SLC44A2: variants seen among roughly 807,000 people sequenced by gnomAD.
The protein encoded by SLC44A2 is solute carrier family 44 member 2 (CTL2 blood group), also known as choline transporter-like protein 2.
SLC44A2 carries 57 observed loss-of-function variants against 90.8 expected under a neutral mutation model. That is an observed-to-expected ratio of 0.63 (90% confidence interval 0.51 to 0.78). The LOEUF (loss-of-function observed/expected upper bound fraction) is 0.78. SLC44A2 is among the 30% of genes least tolerant of loss of function. The probability of loss-of-function intolerance (pLI) is 0.00; values close to 1 mark genes in which losing one functional copy is unlikely to be tolerated. For missense variants in SLC44A2, 794 were observed against 919.7 expected (o/e 0.86, Z 1.77); for synonymous variants, 355 against 360.7 (o/e 0.98, Z 0.18).
chr19:10,616,758 A>G (rs2066858178), intron 1 of SLC44A2, among the ~76,000 whole-genome samples: 1 of 151,620 alleles, frequency 6.6e-6, no homozygotes, highest in South Asian at 2.1e-4. Flanking sequence ...AAAAAAAAAA[A>G]TAGAGACTGG....
chr19:10,606,942 C>T (rs1199459544), intron 1 of SLC44A2, among the ~76,000 whole-genome samples: 7 of 138,614 alleles, frequency 5.0e-5, no homozygotes, highest in African/African-American at 8.0e-5. Context: ...GACGGAGTCT[C>T]GCTCTGTCGC....
At chr19:10,612,257 A>G (rs1476716835) in intron 1 of SLC44A2, among the ~76,000 whole-genome samples, 5 of 152,088 alleles carry the variant, frequency 3.3e-5, no homozygotes, top group Non-Finnish European at 5.9e-5. Context: ...CTGTGGTCCC[A>G]TCCACTAGGG....
chr19:10,609,677 C>A (rs1646128652), intron 1 of SLC44A2, among the ~76,000 whole-genome samples: 1 of 152,084 alleles, frequency 6.6e-6, no homozygotes, highest in African/African-American at 2.4e-5. Flanking sequence ...GTTGTCCAGG[C>A]TGGTCTTGAA....
intron 1 of SLC44A2, among the ~76,000 whole-genome samples, chr19:10,604,923 T>A (rs1279408368): frequency 6.6e-6 from 1 of 152,040 alleles, no homozygotes; most frequent in African/African-American, 2.4e-5. Context: ...AATGGGGAAA[T>A]GGCTCTGGGC....
In SLC44A2 at chr19:10,637,805, C is replaced by A. The variant is rs755788238; in HGVS notation, c.1696-51C>A. The A allele has an allele frequency of 1.9e-5, 31 of 1,611,836 alleles. No individual in the cohort carries two copies. The Admixed American group carries it at 2.8e-4, about 15-fold the overall frequency. ...CAGCTCCTGCTGGGTGAGAGGACCA[C>A]CCCCCATGCCCACCCAGTGGGTCTG... On this transcript the variant is annotated intron_variant, in intron 17 of 21. Coordinates refer to ENST00000335757, the MANE Select transcript of SLC44A2 (RefSeq NM_020428.4).
upstream of SLC44A2, among the ~76,000 whole-genome samples, chr19:10,623,011 G>A (rs1047828109): frequency 2.6e-5 from 4 of 152,196 alleles, no homozygotes; most frequent in Non-Finnish European, 5.9e-5. Context: ...GTTTCCAGAG[G>A]GCTTAACTTT....
chr19:10,637,234 C>G (rs1445353804), intron 16 of SLC44A2: 1 of 242,084 alleles, frequency 4.1e-6, no homozygotes, highest in Non-Finnish European at 8.2e-6. Flanking sequence ...CGTCTGCAGT[C>G]CTAGCTACAC....
chr19:10,602,885 G>C (rs897518801), intron 1 of SLC44A2, among the ~76,000 whole-genome samples: 9 of 152,200 alleles, frequency 5.9e-5, no homozygotes, highest in South Asian at 2.1e-4. Flanking sequence ...GCTCGGAAAA[G>C]AGACAGGGCC....
At chr19:10,604,009 G>A (rs556117595) in intron 1 of SLC44A2, among the ~76,000 whole-genome samples, 97 of 152,332 alleles carry the variant, frequency 6.4e-4, no homozygotes, top group African/African-American at 2.3e-3. Flanking sequence ...ACATGAGACA[G>A]GGGACCCTGC....
chr19:10,642,560 C>T, intron 21 of SLC44A2, 109 bp downstream of exon 21: 1 of 1,054,994 alleles, frequency 9.5e-7, no homozygotes, highest in Admixed American at 1.9e-5. Context: ...CCAGCTTCCC[C>T]AGGGCTTGGC....
chr19:10,642,811 G>A, intron 21 of SLC44A2: 1 of 1,449,768 alleles, frequency 6.9e-7, no homozygotes, highest in Non-Finnish European at 9.1e-7. Flanking sequence ...CATGCCTGCT[G>A]GCTTCCCTGT....
chr19:10,614,351 A>G (rs2066837981), intron 1 of SLC44A2, among the ~76,000 whole-genome samples: 1 of 152,050 alleles, frequency 6.6e-6, no homozygotes, highest in Admixed American at 6.6e-5. Context: ...CCCTCAAACC[A>G]CATGGGTGTG....
In SLC44A2 at chr19:10,637,694, T is replaced by C; in HGVS notation, c.1642T>C (p.Phe548Leu). Reference sequence around the variant, plus strand: ...CCTCATGACCTGTCTCAAATGCTGCTTCTGGTGCCTGGAGAAGTTCATCAA... The same window carrying C: ...CCTCATGACCTGTCTCAAATGCTGCCTCTGGTGCCTGGAGAAGTTCATCAA... ...KCLMTCLKCC[F>L]WCLEKFIKFL... The change falls in exon 17 of 22, where the codon TTC becomes CTC. Residue 548 changes from phenylalanine (F) to leucine (L), a missense_variant. By Grantham distance (22) the Phe-to-Leu change is conservative. Around this residue, in one of 3 missense-constraint regions of SLC44A2, gnomAD observed 738 missense variants for 841.1 expected, o/e 0.88. Coordinates refer to ENST00000335757, the MANE Select transcript of SLC44A2 (RefSeq NM_020428.4). 1.9e-6 allele frequency: 3 copies of C among 1,614,158 alleles called. No homozygotes were observed. Among genetic ancestry groups the C allele is most frequent in the Non-Finnish European group, 2.5e-6 (3 of 1,180,036 alleles).
In SLC44A2 at chr19:10,634,766, C is replaced by T. The variant is rs759124491; in HGVS notation, c.834C>T (p.His278=). 1.2e-6 allele frequency: 2 copies of T among 1,614,072 alleles called. No homozygotes were observed. The highest frequency in any genetic ancestry group is 1.3e-5 in the African/African-American group (1 of 74,938). Residue 278 remains histidine (H), a synonymous_variant, in exon 11 of 22, where the codon CAC becomes CAT. Transcript: ENST00000335757. ...VILVLGYGIF[H]CYMEYSRLRG... ...GGTTCCCCCATGCAGGAATATTTCA[C>T]TGCTACATGGAGTACTCCCGACTGC...
At chr19:10,617,907 C>G (rs760258870) in intron 1 of SLC44A2, among the ~76,000 whole-genome samples, 3 of 152,166 alleles carry the variant, frequency 2.0e-5, no homozygotes, top group Admixed American at 1.3e-4. Flanking sequence ...CTGGCTTTAC[C>G]GGTCTTACTG....
chr19:10,607,544 C>G (rs2144801895), intron 1 of SLC44A2, among the ~76,000 whole-genome samples: 1 of 143,686 alleles, frequency 7.0e-6, no homozygotes, highest in South Asian at 2.2e-4. Flanking sequence ...TTTTTAGAGG[C>G]AGGGTCTCAC....
intron 4 of SLC44A2, among the ~76,000 whole-genome samples, chr19:10,630,815 C>A (rs549276409): frequency 2.0e-5 from 3 of 151,594 alleles, no homozygotes; most frequent in Admixed American, 6.6e-5. Context: ...ACCAGCCTGG[C>A]CAACATGGTG....
At chr19:10,625,312 A>C, upstream of SLC44A2, 2 of 399,614 alleles carry the variant, frequency 5.0e-6, no homozygotes, top group Non-Finnish European at 7.9e-6. Flanking sequence ...CAGGGTGGCC[A>C]GGGGTTCTAG....
rs955964179 is a variant in SLC44A2, at chr19:10,631,695, A to G, written c.572A>G (p.Tyr191Cys). The change falls in exon 8 of 22, where the codon TAT becomes TGT. Residue 191 changes from tyrosine to cysteine, a missense_variant. Tyr to Cys is a radical substitution (Grantham distance 194). This residue lies in a region of SLC44A2 where 738 missense variants were observed against 841.1 expected (regional missense o/e 0.88). Transcript: ENST00000335757. The part of the protein sequence containing the change: ...GVLMVGNETT[Y>C]EDGHGSRKNI... ...CTGATGGTGGGCAATGAGACGACCT[A>G]TGAGGATGGGCATGGCTCCCGGAAA... 1 of 1,613,126 alleles carries G rather than the reference A, an allele frequency of 6.2e-7. No individual in the cohort carries two copies. The highest frequency in any genetic ancestry group is 1.3e-5 in the African/African-American group (1 of 74,952).
Sources: gnomAD v4.1 joint callset for allele counts (sites outside exome capture counted in the v4.1 genomes callset) on GRCh38, gnomAD v4.1.1 for gene constraint, gnomAD v4.1.1 regional missense constraint, MANE v1.5 for transcripts, NCBI Gene and HGNC (gene_info 2026-07-23, HGNC 2026-07-21) for gene names.